NAV3: variants seen among roughly 807,000 people sequenced by gnomAD.
NAV3 encodes neuron navigator 3, also known as pore membrane and/or filament interacting like protein 1.
A neutral mutation model predicts 244.7 loss-of-function variants in NAV3; 87 were observed. That is an observed-to-expected ratio of 0.36 (90% CI 0.30 to 0.42). The LOEUF (loss-of-function observed/expected upper bound fraction) is 0.42. NAV3 is among the 20% of genes least tolerant of loss of function. The pLI is 1.00. For missense variants in NAV3, 2,663 were observed against 2,893.3 expected, an observed-to-expected ratio of 0.92 and a Z score of 1.83; for synonymous variants, 1,126 against 1,042.2, an observed-to-expected ratio of 1.08 and a Z score of -1.55.
chr12:77,601,512 A>G (rs1592493113), intron 2 of NAV3, among the ~76,000 whole-genome samples: 2 of 152,114 alleles, frequency 1.3e-5, no homozygotes, highest in Admixed American at 1.3e-4. Context: ...GAGCAAAGGC[A>G]TCATATCATA....
intron 1 of NAV3, among the ~76,000 whole-genome samples, chr12:77,918,061 A>G (rs140667786): frequency 1.9e-4 from 29 of 152,210 alleles, no homozygotes; most frequent in Middle Eastern, 3.4e-3. Flanking sequence ...TCCAAATTGA[A>G]TTAATCAAAA....
At chr12:77,913,345 G>C (rs1886804152) in intron 1 of NAV3, among the ~76,000 whole-genome samples, 1 of 151,892 alleles carries the variant, frequency 6.6e-6, no homozygotes, top group African/African-American at 2.4e-5. Context: ...TTATGAAAAA[G>C]AGTAAATGTT....
intron 2 of NAV3, among the ~76,000 whole-genome samples, chr12:77,744,860 A>G (rs902455756): frequency 2.0e-5 from 3 of 151,898 alleles, no homozygotes; most frequent in African/African-American, 7.2e-5. Context: ...TAGTATATTT[A>G]TGTGTTTTAT....
At chr12:77,588,321 G>A (rs184779106) in intron 2 of NAV3, among the ~76,000 whole-genome samples, 7 of 151,712 alleles carry the variant, frequency 4.6e-5, no homozygotes, top group East Asian at 1.9e-4. Context: ...GTCCCACTAC[G>A]TTGCCCAGGC....
rs75291917 is a variant in NAV3 at position 77,857,433 on chromosome 12, A to T, written c.243+25729A>T. ...CGGTTGCATTGAATAAGAAGTTTGAATCTTTTAAATTATTAAAAAAATCTC... is the reference window on the plus strand; with the variant it reads ...CGGTTGCATTGAATAAGAAGTTTGATTCTTTTAAATTATTAAAAAAATCTC... On this transcript the variant is annotated intron_variant, in intron 1 of 39. Coordinates refer to ENST00000397909, the MANE Select transcript of NAV3 (RefSeq NM_001024383.2). Among the ~76,000 whole-genome samples, 152 of 152,052 alleles carry T rather than the reference A, an allele frequency of 1.0e-3. No individual in the cohort carries two copies. The East Asian group carries it at 0.023, about 23-fold the overall frequency.
intron 2 of NAV3, among the ~76,000 whole-genome samples, chr12:77,664,062 A>G (rs967139159): frequency 6.6e-6 from 1 of 152,254 alleles, no homozygotes; most frequent in African/African-American, 2.4e-5. Context: ...AGCATGGTAC[A>G]GTTTGGTGAC....
intron 2 of NAV3, among the ~76,000 whole-genome samples, chr12:77,634,425 A>G (rs1872063382): frequency 6.6e-6 from 1 of 152,190 alleles, no homozygotes; most frequent in Admixed American, 6.5e-5. Flanking sequence ...CTATGTAATA[A>G]TTTCTTTGTT....
At chr12:78,022,222 T>C (rs2619057) in intron 9 of NAV3, among the ~76,000 whole-genome samples, 150,950 of 152,240 alleles carry the variant, frequency 0.99, 74,854 homozygotes, top group East Asian at 1. Flanking sequence ...CAATTCTGTA[T>C]GATTTAAAAC....
chr12:77,979,224 CAA>C (rs11297628), intron 5 of NAV3, among the ~76,000 whole-genome samples: 3,964 of 126,000 alleles, frequency 0.031, 96 homozygotes, highest in African/African-American at 0.069. Context: ...AAATACAATA[CAA>C]AAAAAAAAAA....
chr12:77,831,756 C>A, intron 1 of NAV3, 52 bp downstream of exon 1: 3 of 1,530,842 alleles, frequency 2.0e-6, no homozygotes, highest in South Asian at 1.3e-5. Flanking sequence ...GCACATTTCT[C>A]TTTAAGTGCA....
intron 22 of NAV3, among the ~76,000 whole-genome samples, chr12:78,150,210 A>C (rs541446460): frequency 6.6e-6 from 1 of 152,224 alleles, no homozygotes; most frequent in African/African-American, 2.4e-5. Context: ...AAGTAGAATA[A>C]TGTAAATGTC....
At chr12:78,168,079 A>G (rs1957852352) in intron 23 of NAV3, among the ~76,000 whole-genome samples, 2 of 151,726 alleles carry the variant, frequency 1.3e-5, no homozygotes, top group South Asian at 4.1e-4. Flanking sequence ...TTATATAAAA[A>G]TTGTATAATA....
intron 2 of NAV3, among the ~76,000 whole-genome samples, chr12:77,785,327 C>A (rs538994611): frequency 5.9e-4 from 90 of 152,156 alleles, no homozygotes; most frequent in African/African-American, 2.1e-3. Flanking sequence ...AAAGATATTA[C>A]CCCTTTGGCT....
chr12:78,155,523 T>C (rs1957268532), intron 22 of NAV3, among the ~76,000 whole-genome samples: 1 of 152,144 alleles, frequency 6.6e-6, no homozygotes, highest in Admixed American at 6.6e-5. Context: ...TATATTCCTT[T>C]GGGTATATAC....
chr12:77,662,263 A>ATCTATCTATCTG, intron 2 of NAV3, among the ~76,000 whole-genome samples: 1 of 151,034 alleles, frequency 6.6e-6, no homozygotes, highest in African/African-American at 2.4e-5. Context: ...CTATCTATCT[A>ATCTATCTATCTG]TATCTCACCT....
At chr12:77,735,078 A>G (rs574791970) in intron 2 of NAV3, among the ~76,000 whole-genome samples, 2 of 152,288 alleles carry the variant, frequency 1.3e-5, no homozygotes, top group South Asian at 2.1e-4. Context: ...AGGCTCTTAC[A>G]TAGTATTGTG....
At position 77,725,455 on chromosome 12, in the gene NAV3, C is replaced by A. The variant is rs1010443971; in HGVS notation, c.72+153189C>A. On this transcript the variant is annotated intron_variant, in intron 2 of 8. Coordinates refer to the NAV3 transcript ENST00000550042. ...ATTTGCTGTGTACATTTTCATTTAA[C>A]ATGCCTTTGCAAGTTAGATAGTTTC... 3.3e-5 allele frequency among the ~76,000 whole-genome samples: 5 copies of A among 150,242 alleles called. No homozygotes were observed. In the Admixed American group the frequency reaches 3.4e-4, roughly 10 times the overall value.
At chr12:77,805,774 T>G (rs1871945738) in intron 2 of NAV3, among the ~76,000 whole-genome samples, 1 of 152,160 alleles carries the variant, frequency 6.6e-6, no homozygotes, top group Non-Finnish European at 1.5e-5. Flanking sequence ...TGGTAGAACT[T>G]GGCTGTGAAT....
chr12:77,969,297 A>G (rs1892794898), intron 5 of NAV3, among the ~76,000 whole-genome samples: 1 of 151,830 alleles, frequency 6.6e-6, no homozygotes, highest in Admixed American at 6.6e-5. Context: ...TTTCTCTTCC[A>G]TTATTATTAT....
Sources: allele counts gnomAD v4.1 joint callset (sites outside exome capture counted in the v4.1 genomes callset), GRCh38; gene constraint gnomAD v4.1.1; transcripts MANE v1.5; gene names NCBI Gene and HGNC (gene_info 2026-07-23, HGNC 2026-07-21).